The following AIG1 variants were observed in gnomAD, a reference collection of about 807,000 sequenced individuals.
AIG1 encodes the protein androgen-induced gene 1 protein.
In AIG1, 23 loss-of-function variants were observed where a neutral mutation model predicts 31.4. The ratio of observed to expected loss-of-function variants is 0.73; its 90% CI spans 0.53 to 1.04. The LOEUF (loss-of-function observed/expected upper bound fraction) is 1.04. Among genes scored for constraint, AIG1 ranks in the 50% least tolerant of loss-of-function variants. The pLI is 0.00. For missense variants in AIG1, 274 were observed against 295.0 expected, an observed-to-expected ratio of 0.93 and a Z score of 0.52; for synonymous variants, 100 against 110.5, an observed-to-expected ratio of 0.90 and a Z score of 0.60.
At chr6:143,191,916 C>T (rs775797576) in intron 3 of AIG1, among the ~76,000 whole-genome samples, 7 of 125,602 alleles carry the variant, frequency 5.6e-5, no homozygotes, top group South Asian at 4.9e-4. Context: ...TGTTTCCCCA[C>T]GAAAGTTTTG....
At chr6:143,335,044 A>C (rs1434989044) in intron 5 of AIG1, 1 of 1,402,678 alleles carries the variant, frequency 7.1e-7, no homozygotes, top group Non-Finnish European at 9.4e-7. Flanking sequence ...TTAAAAATTC[A>C]TTTTAGATAT....
chr6:143,096,172 C>T (rs924303057), intron 1 of AIG1, among the ~76,000 whole-genome samples: 1 of 152,134 alleles, frequency 6.6e-6, no homozygotes, highest in Non-Finnish European at 1.5e-5. Flanking sequence ...TGCCAAAGTG[C>T]TGGGATTACA....
At chr6:143,217,159 T>C (rs1792092786) in intron 3 of AIG1, among the ~76,000 whole-genome samples, 1 of 152,206 alleles carries the variant, frequency 6.6e-6, no homozygotes, top group Admixed American at 6.5e-5. Context: ...CTTCTAGAGC[T>C]CTTGTTGCTG....
chr6:143,143,680 C>T (rs1412950247), intron 2 of AIG1, among the ~76,000 whole-genome samples: 1 of 150,772 alleles, frequency 6.6e-6, no homozygotes, highest in Non-Finnish European at 1.5e-5. Context: ...TGTCCTTTTC[C>T]TTTCTTTTCA....
At chr6:143,272,993 G>A (rs574180451) in intron 3 of AIG1, among the ~76,000 whole-genome samples, 6 of 152,312 alleles carry the variant, frequency 3.9e-5, no homozygotes, top group South Asian at 2.1e-4. Flanking sequence ...GCTGGGCATC[G>A]TGATCGGCAC....
chr6:143,258,569 A>G lies in AIG1; in HGVS notation c.400-25541A>G, dbSNP rs543256889. Among the ~76,000 whole-genome samples, 7 of 152,198 alleles carry G rather than the reference A, an allele frequency of 4.6e-5. No homozygotes were observed. Among genetic ancestry groups the G allele is most frequent in the African/African-American group, 7.2e-5 (3 of 41,464 alleles). The stretch of plus-strand genomic sequence containing the variant: ...CTCTGCCAGCTAATGGAGGTATTTT[A>G]TGGGCTTTATTGGCAGAGAGAGAAT... On this transcript the variant is annotated intron_variant, in intron 3 of 5. Coordinates refer to ENST00000357847, the MANE Select transcript of AIG1 (RefSeq NM_016108.4). The surrounding 1 kb of genome is among the most constrained non-coding windows in gnomAD (Gnocchi z 4.7).
intron 3 of AIG1, among the ~76,000 whole-genome samples, chr6:143,170,157 T>A (rs1787351893): frequency 6.6e-6 from 1 of 152,042 alleles, no homozygotes; most frequent in Non-Finnish European, 1.5e-5. Context: ...TTTTCAGAAG[T>A]ATTTGTGTTA....
downstream of AIG1, chr6:143,343,045 C>T (rs879134556): frequency 6.3e-6 from 5 of 793,800 alleles, no homozygotes; most frequent in South Asian, 2.7e-5. Context: ...AGTTGCCACA[C>T]GAAGATATGG....
Position 143,173,342 on chromosome 6 carries a change from C to T in AIG1, c.399+8159C>T, listed in dbSNP as rs115373528. 3.3e-3 allele frequency among the ~76,000 whole-genome samples: 508 copies of T among 152,314 alleles called. 1 individual carries two copies. The highest frequency in any genetic ancestry group is 0.012 in the African/African-American group (489 of 41,578). On this transcript the variant is annotated intron_variant, in intron 3 of 5. Transcript: ENST00000357847. ...CCTCCCAAAGTGCTGGGATTAAAGA[C>T]GTGAGCTGCTGCGCCTAGACAGCCA...
At chr6:143,100,645 T>G (rs1186852625) in intron 1 of AIG1, among the ~76,000 whole-genome samples, 1 of 152,140 alleles carries the variant, frequency 6.6e-6, no homozygotes, top group Non-Finnish European at 1.5e-5. Context: ...CGTAAGATGC[T>G]AATGGAGAGA....
chr6:143,189,513 T>C, intron 3 of AIG1: 1 of 985,460 alleles, frequency 1.0e-6, no homozygotes. Context: ...CTGAGTGTCA[T>C]ATGCTAAGTT....
intron 3 of AIG1, among the ~76,000 whole-genome samples, chr6:143,232,219 G>C (rs1040023416): frequency 6.6e-6 from 1 of 152,214 alleles, no homozygotes; most frequent in African/African-American, 2.4e-5. Context: ...CCAGCAATTA[G>C]TAGACAGGCA....
chr6:143,201,567 T>C (rs1157816010), intron 3 of AIG1, among the ~76,000 whole-genome samples: 1 of 152,166 alleles, frequency 6.6e-6, no homozygotes, highest in Non-Finnish European at 1.5e-5. Flanking sequence ...GACAGGACTA[T>C]CCTCCGTGGG....
chr6:143,342,672 G>T, downstream of AIG1: 1 of 1,224,004 alleles, frequency 8.2e-7, no homozygotes, highest in South Asian at 1.2e-5. Flanking sequence ...TGGTTGGATA[G>T]CATAAGACCA....
At chr6:143,084,298 T>A (rs1778562685) in intron 1 of AIG1, among the ~76,000 whole-genome samples, 1 of 152,148 alleles carries the variant, frequency 6.6e-6, no homozygotes, top group African/African-American at 2.4e-5. Context: ...GTGACTCCCT[T>A]GACATAAGGG....
At chr6:143,312,385 A>T (rs1775362595) in intron 4 of AIG1, among the ~76,000 whole-genome samples, 1 of 152,144 alleles carries the variant, frequency 6.6e-6, no homozygotes, top group South Asian at 2.1e-4. Context: ...AACAGAATAG[A>T]GAACCCAGAA....
At chr6:143,124,687 GAGGTCTC>G (rs1262614095) in intron 1 of AIG1, among the ~76,000 whole-genome samples, 1 of 152,216 alleles carries the variant, frequency 6.6e-6, no homozygotes, top group Non-Finnish European at 1.5e-5. Flanking sequence ...TGTTGCTGGG[GAGGTCTC>G]AGGAAACTTA....
At chr6:143,332,077 G>A (rs1182278086) in intron 4 of AIG1, among the ~76,000 whole-genome samples, 3 of 151,900 alleles carry the variant, frequency 2.0e-5, no homozygotes, top group African/African-American at 7.2e-5. Context: ...TCGCCATGTT[G>A]GCCAGGCTGG....
chr6:143,119,104 G>A (rs1374210248), intron 1 of AIG1, among the ~76,000 whole-genome samples: 1 of 151,958 alleles, frequency 6.6e-6, no homozygotes, highest in Non-Finnish European at 1.5e-5. Context: ...GAACTTCTAG[G>A]CCCAAGGGAT....
Sources: allele counts gnomAD v4.1 joint callset (sites outside exome capture counted in the v4.1 genomes callset), GRCh38; gene constraint gnomAD v4.1.1; non-coding constraint Gnocchi (gnomAD v3.1); transcripts MANE v1.5; gene names NCBI Gene and HGNC (gene_info 2026-07-23, HGNC 2026-07-21).